The following AKAP10 variants were observed in gnomAD, a reference collection of about 807,000 sequenced individuals.
AKAP10 encodes the protein A-kinase anchoring protein 10.
In AKAP10, 24 loss-of-function variants were observed where a neutral mutation model predicts 80.8. The ratio of observed to expected loss-of-function variants is 0.30; its 90% CI spans 0.22 to 0.42. The LOEUF (loss-of-function observed/expected upper bound fraction) is 0.42, where lower values mean the gene tolerates loss of function less well. Among genes scored for constraint, AKAP10 ranks in the 10% least tolerant of loss-of-function variants. AKAP10 has a pLI of 1.00. For synonymous variants in AKAP10, 291 were observed against 277.7 expected (o/e 1.05, Z -0.48); for missense variants, 661 against 794.9 (o/e 0.83, Z 2.03).
chr17:19,961,633 A>C (rs1199712707), intron 3 of AKAP10, among the ~76,000 whole-genome samples: 1 of 152,222 alleles, frequency 6.6e-6, no homozygotes, highest in Non-Finnish European at 1.5e-5. Context: ...TTATGACAAC[A>C]TGACATGCAA....
At chr17:19,910,042 ATTTGG>A (rs2042672136) in intron 12 of AKAP10, 64 bp from the exon 13 acceptor site, 1 of 1,538,468 alleles carries the variant, frequency 6.5e-7, no homozygotes, top group Non-Finnish European at 8.9e-7. Flanking sequence ...AAATGCTCTT[ATTTGG>A]CTGGCCATGG....
chr17:19,923,559 C>A (rs977181236), intron 11 of AKAP10, among the ~76,000 whole-genome samples: 1 of 152,088 alleles, frequency 6.6e-6, no homozygotes, highest in Admixed American at 6.5e-5. Flanking sequence ...AAGAGTCTCG[C>A]TCCACTGCGC....
rs1247170980 is a variant in AKAP10, at chr17:19,920,773, G to A, written c.1752-655C>T. On this transcript the variant is annotated intron_variant, in intron 11 of 14. Coordinates refer to ENST00000225737, the MANE Select transcript of AKAP10 (RefSeq NM_007202.4). ...CAGGAGAATTGCTTGAAACAGGGAG[G>A]TAGAGGTTGCAGTTGCAGTGAGCTG... Among the ~76,000 whole-genome samples the A allele has an allele frequency of 5.5e-5, 8 of 145,530 alleles. No homozygotes were observed. The South Asian group carries it at 1.1e-3, about 20-fold the overall frequency.
At chr17:19,952,514 A>C (rs1362598753) in intron 4 of AKAP10, among the ~76,000 whole-genome samples, 1 of 151,820 alleles carries the variant, frequency 6.6e-6, no homozygotes, top group African/African-American at 2.4e-5. Flanking sequence ...AACACTACCC[A>C]ACTATATGCT....
At chr17:19,925,019 C>A (rs1239454873) in intron 10 of AKAP10, among the ~76,000 whole-genome samples, 1 of 152,004 alleles carries the variant, frequency 6.6e-6, no homozygotes, top group Non-Finnish European at 1.5e-5. Context: ...AAAAAATTAG[C>A]CGGGCATGGT....
chr17:19,918,867 T>C (rs2042779116), intron 12 of AKAP10, among the ~76,000 whole-genome samples: 1 of 152,228 alleles, frequency 6.6e-6, no homozygotes, highest in South Asian at 2.1e-4. Context: ...ACTAAACTAC[T>C]CTTCTGATTA....
At chr17:19,955,593 T>C (rs113833946) in intron 4 of AKAP10, among the ~76,000 whole-genome samples, 14,500 of 152,064 alleles carry the variant, frequency 0.095, 788 homozygotes, top group Non-Finnish European at 0.12. Context: ...TCCTAGCACT[T>C]TGGGAGGCTG....
At chr17:19,954,466 G>A (rs971573332) in intron 4 of AKAP10, among the ~76,000 whole-genome samples, 10 of 150,314 alleles carry the variant, frequency 6.7e-5, no homozygotes, top group African/African-American at 1.5e-4. Context: ...ATATCTAAAC[G>A]TAAAGTGTAA....
At chr17:19,913,520 T>C (rs1597488405) in intron 12 of AKAP10, among the ~76,000 whole-genome samples, 2 of 152,104 alleles carry the variant, frequency 1.3e-5, no homozygotes, top group Non-Finnish European at 2.9e-5. Flanking sequence ...ACTCTTGTCC[T>C]CAGTGATCCG....
In AKAP10 at chr17:19,922,476, A is replaced by T. The variant is rs898719817; in HGVS notation, c.1751+1932T>A. On this transcript the variant is annotated intron_variant, in intron 11 of 14. Transcript: ENST00000225737. The stretch of plus-strand genomic sequence containing the variant: ...ACCATGTCGGCCAGGCTGGTTTCGA[A>T]CTCAAGTGAGCCGCCTGCCGAGGCC... 3.3e-5 allele frequency among the ~76,000 whole-genome samples: 5 copies of T among 152,010 alleles called. No individual in the cohort carries two copies. The South Asian group carries it at 8.3e-4, about 25-fold the overall frequency.
At chr17:19,947,021 C>T (rs75945359) in intron 5 of AKAP10, 8,566 of 175,652 alleles carry the variant, frequency 0.049, 286 homozygotes, top group Middle Eastern at 0.078. Context: ...ACTTTGGTAC[C>T]GGCTTTTAGC....
In AKAP10 at chr17:19,933,271, G is replaced by A. The variant is rs138691812; in HGVS notation, c.1468-1293C>T. Among the ~76,000 whole-genome samples the A allele has an allele frequency of 2.7e-3, 407 of 152,214 alleles. 15 individuals are homozygous for A. The East Asian group carries it at 0.074, about 28-fold the overall frequency. On this transcript the variant is annotated intron_variant, in intron 9 of 14. Transcript: ENST00000225737. ...TGACCTCAGGTGATCCACCCGCCTC[G>A]ATCTTCCAAAGTGCTAGGATTACAG...
At chr17:19,911,835 C>CAAAAAAAAAAAAAAAAAAAAAAAAA (rs71157844) in intron 12 of AKAP10, among the ~76,000 whole-genome samples, 4 of 55,008 alleles carry the variant, frequency 7.3e-5, no homozygotes, top group African/African-American at 1.0e-4. Context: ...AACTCTGTCA[C>CAAAAAAAAAAAAAAAAAAAAAAAAA]AAAAAAAAAA....
chr17:19,922,609 A>G (rs2042830164), intron 11 of AKAP10, among the ~76,000 whole-genome samples: 1 of 152,140 alleles, frequency 6.6e-6, no homozygotes, highest in African/African-American at 2.4e-5. Context: ...TTATACATTT[A>G]AAAAATACAT....
At chr17:19,924,343 T>A in intron 11 of AKAP10, 65 bp downstream of exon 11, 1 of 1,155,546 alleles carries the variant, frequency 8.7e-7, no homozygotes, top group Admixed American at 2.9e-5. Context: ...AAAATTTAAT[T>A]AAAAAATTTA....
In AKAP10 at chr17:19,968,034, A is replaced by G. The variant is rs533469819; in HGVS notation, c.136+380T>C. ...GCTAACATGGTGAAACTCTGTCTCT[A>G]CTAAAAAATACAAAAAATTAGCCAG... On this transcript the variant is annotated intron_variant, in intron 2 of 14. Coordinates refer to ENST00000225737, the MANE Select transcript of AKAP10 (RefSeq NM_007202.4). The G allele has an allele frequency of 2.4e-3, 390 of 160,544 alleles. 1 individual carries two copies. Among genetic ancestry groups the G allele is most frequent in the African/African-American group, 9.0e-3 (374 of 41,740 alleles). 9.9% of individuals were successfully genotyped at this position (160,544 alleles called of 1,614,324 possible).
In AKAP10 at chr17:19,924,414, T is replaced by G; in HGVS notation, c.1745A>C (p.Tyr582Ser). 1.9e-6 allele frequency: 3 copies of G among 1,587,558 alleles called. No homozygotes were observed. Among genetic ancestry groups the G allele is most frequent in the Non-Finnish European group, 2.6e-6 (3 of 1,165,450 alleles). Residue 582 changes from tyrosine (Y) to serine (S), a missense_variant, in exon 11 of 15, where the codon TAT becomes TCT. Tyr to Ser is a moderately radical substitution (Grantham distance 144). Coordinates refer to ENST00000225737, the MANE Select transcript of AKAP10 (RefSeq NM_007202.4). ...AGGCATGAGCTAAGCTTACCCGGCATATGTCCGTTGATATAAAGATTCTGG... is the reference window on the plus strand; with the variant it reads ...AGGCATGAGCTAAGCTTACCCGGCAGATGTCCGTTGATATAAAGATTCTGG... ...LDPESLYQRT[Y>S]AGKMTFGRVS...
intron 11 of AKAP10, among the ~76,000 whole-genome samples, chr17:19,923,635 T>C (rs1373755240): frequency 6.6e-6 from 1 of 151,928 alleles, no homozygotes; most frequent in Admixed American, 6.6e-5. Flanking sequence ...CACGCCATTC[T>C]CCTGTCTCAG....
intron 1 of AKAP10, 132 bp downstream of exon 1, chr17:19,977,460 G>A (rs758633526): frequency 1.6e-6 from 1 of 617,330 alleles, no homozygotes; most frequent in African/African-American, 1.9e-5. Flanking sequence ...AGGCACTCAG[G>A]GGGCATCTGC....
Sources: allele counts gnomAD v4.1 joint callset (sites outside exome capture counted in the v4.1 genomes callset), GRCh38; gene constraint gnomAD v4.1.1; transcripts MANE v1.5; gene names NCBI Gene and HGNC (gene_info 2026-07-23, HGNC 2026-07-21).